XPO7: variants seen among roughly 807,000 people sequenced by gnomAD.
XPO7 encodes exportin 7, also known as exportin-7.
Under a neutral mutation model 144.3 loss-of-function variants are expected in XPO7, and 21 were observed. That is an observed-to-expected ratio of 0.15 (90% CI 0.10 to 0.21). The LOEUF (loss-of-function observed/expected upper bound fraction) is 0.21. Ranked by LOEUF, XPO7 falls within the 10% of genes least tolerant of loss-of-function variation. The pLI, the probability that XPO7 is intolerant of heterozygous loss-of-function variation, is 1.00. For missense variants in XPO7, 808 were observed against 1,325.8 expected, an observed-to-expected ratio of 0.61 and a Z score of 6.06; for synonymous variants, 580 against 499.6, an observed-to-expected ratio of 1.16 and a Z score of -2.15.
At position 22,002,107 on chromosome 8, in the gene XPO7, T is replaced by TG. The variant is rs761124784; in HGVS notation, c.2783-4dup. On this transcript the variant is annotated splice_region_variant and splice_polypyrimidine_tract_variant and intron_variant, in intron 24 of 27. Coordinates refer to ENST00000252512, the MANE Select transcript of XPO7 (RefSeq NM_015024.5). ...CTGTCCTACCCCTGCCTTTCTTTCT[T>TG]GCAGACACCATGGTATGCACAGGCT... 1.9e-6 allele frequency: 3 copies of TG among 1,606,186 alleles called. No individual in the cohort carries two copies. The African/African-American group carries it at 4.0e-5, about 21-fold the overall frequency.
intron 1 of XPO7, among the ~76,000 whole-genome samples, chr8:21,926,433 T>G (rs1015440796): frequency 1.3e-5 from 2 of 152,202 alleles, no homozygotes; most frequent in Non-Finnish European, 2.9e-5. Flanking sequence ...TAAAGGGGTG[T>G]ATTTAAGGCT....
intron 1 of XPO7, among the ~76,000 whole-genome samples, chr8:21,945,468 G>A (rs527431604): frequency 6.6e-6 from 1 of 152,272 alleles, no homozygotes; most frequent in Non-Finnish European, 1.5e-5. Context: ...CCTGCAGGTA[G>A]GTATGGAAAA....
At chr8:21,979,982 C>T (rs770356282) in intron 8 of XPO7, 102 bp from the exon 9 acceptor site, 7 of 1,263,190 alleles carry the variant, frequency 5.5e-6, no homozygotes, top group Admixed American at 6.7e-5. Context: ...AATGTTGCTT[C>T]AGATATCCTA....
At chr8:21,930,040 G>A (rs1371593572) in intron 1 of XPO7, among the ~76,000 whole-genome samples, 3 of 152,240 alleles carry the variant, frequency 2.0e-5, no homozygotes, top group Non-Finnish European at 2.9e-5. Context: ...CTAACACTGA[G>A]AAGGTGGAGG....
chr8:21,990,257 A>G, intron 16 of XPO7, 87 bp from the exon 17 acceptor site: 1 of 1,338,232 alleles, frequency 7.5e-7, no homozygotes, highest in South Asian at 1.2e-5. Context: ...TATTTGGGTG[A>G]ACTGTCCTTT....
intron 1 of XPO7, among the ~76,000 whole-genome samples, chr8:21,950,672 C>T (rs756370278): frequency 7.2e-5 from 11 of 152,018 alleles, no homozygotes; most frequent in Non-Finnish European, 1.2e-4. Context: ...TAAAAGAGTT[C>T]TGTGAATTAA....
chr8:21,924,746 A>G (rs1323229618), intron 1 of XPO7, among the ~76,000 whole-genome samples: 1 of 152,218 alleles, frequency 6.6e-6, no homozygotes, highest in African/African-American at 2.4e-5. Flanking sequence ...AATGCTCACA[A>G]CATTTTATTG....
At chr8:21,967,672 C>T (rs1432903700) in intron 2 of XPO7, among the ~76,000 whole-genome samples, 1 of 152,060 alleles carries the variant, frequency 6.6e-6, no homozygotes, top group African/African-American at 2.4e-5. Flanking sequence ...AGTACAAGAT[C>T]CTCAGTCTTC....
intron 17 of XPO7, 161 bp downstream of exon 17, chr8:21,990,568 G>C (rs1188814519): frequency 4.7e-6 from 4 of 842,320 alleles, no homozygotes; most frequent in Non-Finnish European, 7.4e-6. Context: ...CGTCATCAGA[G>C]TGGCTCTTTG....
chr8:21,958,502 C>A (rs977407880), intron 1 of XPO7, among the ~76,000 whole-genome samples: 2 of 152,042 alleles, frequency 1.3e-5, no homozygotes, highest in Non-Finnish European at 1.5e-5. Flanking sequence ...AGTTACATCA[C>A]AGCCGTCTTG....
intron 1 of XPO7, among the ~76,000 whole-genome samples, chr8:21,945,675 A>G (rs1811169118): frequency 6.6e-6 from 1 of 152,250 alleles, no homozygotes; most frequent in Non-Finnish European, 1.5e-5. Flanking sequence ...AAAGTAAGGA[A>G]AATTCCTTGG....
chr8:21,983,167 A>T (rs1362497079), intron 11 of XPO7, among the ~76,000 whole-genome samples: 1 of 152,262 alleles, frequency 6.6e-6, no homozygotes, highest in Non-Finnish European at 1.5e-5. Flanking sequence ...TAGGTGCTTA[A>T]TGTGAACTCC....
intron 6 of XPO7, 81 bp from the exon 7 acceptor site, chr8:21,976,275 C>T: frequency 1.3e-6 from 2 of 1,507,884 alleles, no homozygotes; most frequent in Non-Finnish European, 1.8e-6. Flanking sequence ...CCTTTTCTGA[C>T]TTAACAGCTT....
intron 18 of XPO7, chr8:21,991,642 A>G (rs556470349): frequency 2.5e-6 from 1 of 393,842 alleles, no homozygotes; most frequent in South Asian, 4.7e-5. Flanking sequence ...GCTCAGCATC[A>G]ACAAACCTAG....
At chr8:22,001,288 G>A (rs1053106339) in intron 24 of XPO7, among the ~76,000 whole-genome samples, 3 of 149,688 alleles carry the variant, frequency 2.0e-5, no homozygotes, top group South Asian at 2.1e-4. Flanking sequence ...CAGCCCGGGC[G>A]ACAGAACGAG....
At chr8:21,956,713 C>G (rs532136302) in intron 1 of XPO7, among the ~76,000 whole-genome samples, 62 of 150,790 alleles carry the variant, frequency 4.1e-4, no homozygotes, top group African/African-American at 1.5e-3. Context: ...TCTAACATCT[C>G]TTTTTATGTT....
At chr8:21,989,783 C>T (rs1277491807) in intron 16 of XPO7, among the ~76,000 whole-genome samples, 1 of 69,872 alleles carries the variant, frequency 1.4e-5, no homozygotes, top group Non-Finnish European at 3.3e-5. Context: ...TAGGTTTATT[C>T]TATTTTCTTA....
chr8:21,987,895 C>T (rs1812633459), intron 15 of XPO7, 38 bp downstream of exon 15: 4 of 1,600,548 alleles, frequency 2.5e-6, no homozygotes, highest in Non-Finnish European at 3.4e-6. Flanking sequence ...GAGTCCTTTG[C>T]ACTCCTGTTG....
chr8:21,944,873 C>G (rs971289540), intron 1 of XPO7, among the ~76,000 whole-genome samples: 1 of 152,116 alleles, frequency 6.6e-6, no homozygotes, highest in Non-Finnish European at 1.5e-5. Flanking sequence ...GCCCTTAATC[C>G]ATTTAACCCT....
Sources: gnomAD v4.1 joint callset for allele counts (sites outside exome capture counted in the v4.1 genomes callset) on GRCh38, gnomAD v4.1.1 for gene constraint, MANE v1.5 for transcripts, NCBI Gene and HGNC (gene_info 2026-07-23, HGNC 2026-07-21) for gene names.